Variants in SLC39A8 observed in about 807,000 individuals in gnomAD.
The protein encoded by SLC39A8 is metal cation symporter ZIP8.
In SLC39A8, 15 loss-of-function variants were observed where a neutral mutation model predicts 40.4. The observed-to-expected ratio is 0.37, with a 90% CI of 0.25 to 0.57. The LOEUF (loss-of-function observed/expected upper bound fraction) is 0.57, where lower values mean the gene tolerates loss of function less well. SLC39A8 is among the 20% of genes least tolerant of loss of function. SLC39A8 has a pLI of 0.75. For missense variants in SLC39A8, 472 were observed against 558.8 expected (o/e 0.84, Z 1.57); for synonymous variants, 223 against 221.6 (o/e 1.01, Z -0.06).
At chr4:102,339,600 C>T (rs1162035336) in intron 2 of SLC39A8, among the ~76,000 whole-genome samples, 1 of 152,120 alleles carries the variant, frequency 6.6e-6, no homozygotes, top group African/African-American at 2.4e-5. Flanking sequence ...AGAGATCTAG[C>T]AATACTTAAA....
At chr4:102,291,176 C>A (rs1733423641) in intron 6 of SLC39A8, among the ~76,000 whole-genome samples, 1 of 151,988 alleles carries the variant, frequency 6.6e-6, no homozygotes, top group Non-Finnish European at 1.5e-5. Flanking sequence ...TTTCCTATAT[C>A]TCTTTACCAG....
At chr4:102,271,585 C>T (rs1255309467) in intron 6 of SLC39A8, among the ~76,000 whole-genome samples, 1 of 152,152 alleles carries the variant, frequency 6.6e-6, no homozygotes, top group East Asian at 1.9e-4. Flanking sequence ...TATCACTGTC[C>T]AACAGGGCAA....
chr4:102,344,910 G>GA lies in SLC39A8; in HGVS notation c.-249dup, dbSNP rs1248379859. 7.8e-7 allele frequency: 1 copy of GA among 1,288,986 alleles called. No homozygotes were observed. The highest frequency in any genetic ancestry group is 1.6e-5 in the African/African-American group (1 of 64,132). The allele number at this position is 1,288,986 out of a possible 1,614,324, so 79.8% of individuals were successfully genotyped here. A position where few individuals can be genotyped will look rare whatever the true frequency, so the allele number is the denominator to read the frequency against. ...GCGGAGTGGGCCCCCCGGCCTCCTG[G>GA]AGAGCCTGAGATAAAGAGGACAAAG... On this transcript the variant is annotated 5_prime_UTR_variant, in exon 2 of 9. Transcript: ENST00000356736.
rs749845336 is a variant in SLC39A8, at chr4:102,315,776, T to A, written c.274A>T (p.Ile92Leu). The A allele has an allele frequency of 1.9e-6, 3 of 1,613,354 alleles. No homozygotes were observed. Among genetic ancestry groups the A allele is most frequent in the Non-Finnish European group, 2.5e-6 (3 of 1,179,556 alleles). The change falls in exon 3 of 9, where the codon ATA becomes TTA. Residue 92 changes from isoleucine (I) to leucine (L), a missense_variant. Transcript: ENST00000356736. ...SLHGFSNATQ[I>L]TSSKFSVICP... Reference sequence around the variant, plus strand: ...ATGACAGAGAATTTGGAGCTGGTTATTTGGGTAGCATTTGAAAAGCCATGA... The same window carrying A: ...ATGACAGAGAATTTGGAGCTGGTTAATTGGGTAGCATTTGAAAAGCCATGA...
At chr4:102,304,574 AG>A in intron 5 of SLC39A8, 93 bp from the exon 6 acceptor site, 1 of 1,040,058 alleles carries the variant, frequency 9.6e-7, no homozygotes, top group Non-Finnish European at 1.4e-6. Flanking sequence ...TATTTATAAG[AG>A]GAAAATTGTA....
At chr4:102,284,986 G>A (rs1048247803) in intron 6 of SLC39A8, among the ~76,000 whole-genome samples, 2 of 152,090 alleles carry the variant, frequency 1.3e-5, no homozygotes, top group Non-Finnish European at 2.9e-5. Flanking sequence ...TGTTTCCTCT[G>A]CTGCTAAACG....
intron 6 of SLC39A8, among the ~76,000 whole-genome samples, chr4:102,269,226 G>C (rs1308975850): frequency 5.3e-5 from 8 of 151,926 alleles, no homozygotes; most frequent in Admixed American, 5.2e-4. Context: ...CCATCTAAGA[G>C]GTTTTACAGT....
chr4:102,266,072 CTCT>C (rs1732083080), intron 8 of SLC39A8, among the ~76,000 whole-genome samples: 1 of 152,154 alleles, frequency 6.6e-6, no homozygotes. Context: ...TCTACTTTCT[CTCT>C]TATTTCATAG....
rs548353271 is a variant in SLC39A8, at chr4:102,283,207, A to C, written c.841-15128T>G. 2.0e-5 allele frequency among the ~76,000 whole-genome samples: 3 copies of C among 152,368 alleles called. No individual in the cohort carries two copies. The South Asian group carries it at 6.2e-4, about 32-fold the overall frequency. On this transcript the variant is annotated intron_variant, in intron 6 of 8. Coordinates refer to ENST00000356736, the MANE Select transcript of SLC39A8 (RefSeq NM_001135146.2). ...TTTTCTAAATGCCTGTGATAAGTAC[A>C]TCATCCTGATTACAGAGGAAATAAA...
chr4:102,313,134 C>T (rs1486424624), intron 3 of SLC39A8, among the ~76,000 whole-genome samples: 3 of 152,038 alleles, frequency 2.0e-5, no homozygotes, highest in African/African-American at 7.2e-5. Context: ...TTGGTGATTT[C>T]TATGCTTTGT....
chr4:102,326,105 A>G (rs948511170), intron 2 of SLC39A8, among the ~76,000 whole-genome samples: 2 of 152,140 alleles, frequency 1.3e-5, no homozygotes, highest in Admixed American at 6.5e-5. Context: ...CCTACTTCCC[A>G]TCATCTGCTA....
intron 2 of SLC39A8, among the ~76,000 whole-genome samples, chr4:102,341,501 T>G (rs991391579): frequency 6.6e-6 from 1 of 152,212 alleles, no homozygotes; most frequent in Non-Finnish European, 1.5e-5. Flanking sequence ...GGCTTCCCTG[T>G]GTATTCTAGG....
intron 2 of SLC39A8, among the ~76,000 whole-genome samples, chr4:102,329,622 C>T (rs1209831716): frequency 1.3e-5 from 1 of 75,016 alleles, no homozygotes; most frequent in Admixed American, 1.5e-4. Context: ...GAATCTGTCT[C>T]AAAAAAAAAA....
chr4:102,313,648 G>A (rs1333399774), intron 3 of SLC39A8, among the ~76,000 whole-genome samples: 2 of 151,994 alleles, frequency 1.3e-5, no homozygotes, highest in East Asian at 1.9e-4. Flanking sequence ...GGAGTACAGT[G>A]GGGTAATCAT....
chr4:102,307,501 T>C lies in SLC39A8; in HGVS notation c.487A>G (p.Thr163Ala), dbSNP rs1321583996. ...IKKSYFPKIL[T>A]FFVGLAIGTL... ...CCAATAGCCAGCCCCACAAAAAAGG[T>C]CAAAATCTTTGGGAAATAAGATTTC... The change falls in exon 4 of 9, where the codon ACC becomes GCC. Residue 163 changes from threonine to alanine, a missense_variant. Coordinates refer to ENST00000356736, the MANE Select transcript of SLC39A8 (RefSeq NM_001135146.2). 6.8e-6 allele frequency: 11 copies of C among 1,613,240 alleles called. No homozygotes were observed. The highest frequency in any genetic ancestry group is 9.3e-6 in the Non-Finnish European group (11 of 1,179,604).
chr4:102,254,641 C>T (rs984532713), intron 11 of SLC39A8, among the ~76,000 whole-genome samples: 1 of 152,180 alleles, frequency 6.6e-6, no homozygotes, highest in East Asian at 1.9e-4. Flanking sequence ...TAGGAAACTG[C>T]ATTTTTCTGT....
downstream of SLC39A8, among the ~76,000 whole-genome samples, chr4:102,259,908 A>G (rs1731801031): frequency 6.6e-6 from 1 of 152,240 alleles, no homozygotes; most frequent in South Asian, 2.1e-4. Flanking sequence ...CTTTAAACAG[A>G]AAGATCAAAG....
intron 8 of SLC39A8, among the ~76,000 whole-genome samples, chr4:102,267,137 G>A (rs7681239): frequency 0.093 from 14,121 of 152,172 alleles, 717 homozygotes; most frequent in South Asian, 0.19. Flanking sequence ...AGACACAAAA[G>A]AGGGAGAAAA....
rs144981067 is a variant in SLC39A8, at chr4:102,267,913, G to T, written c.1007C>A (p.Thr336Asn). 6.8e-6 allele frequency: 11 copies of T among 1,614,012 alleles called. No homozygotes were observed. The highest frequency in any genetic ancestry group is 1.3e-5 in the African/African-American group (1 of 74,902). Reference sequence around the variant, plus strand: ...CTCCTCACATAGGATTGCTATGGAAGTACTGAGTCCCTGAAGGAGAGACAA... The same window carrying T: ...CTCCTCACATAGGATTGCTATGGAATTACTGAGTCCCTGAAGGAGAGACAA... Reference protein sequence around the residue: ...CTLSLLQGLSTSIAILCEEFP... With the variant: ...CTLSLLQGLSNSIAILCEEFP... Residue 336 changes from threonine (T) to asparagine (N), a missense_variant, in exon 7 of 9, where the codon ACT becomes AAT. Physicochemically the swap from Thr to Asn is moderately conservative, Grantham distance 65. This residue lies in a region of SLC39A8 where 239 missense variants were observed against 317.9 expected (regional missense o/e 0.75). Transcript: ENST00000356736.
Sources: gnomAD v4.1 joint callset for allele counts (sites outside exome capture counted in the v4.1 genomes callset) on GRCh38, gnomAD v4.1.1 for gene constraint, gnomAD v4.1.1 regional missense constraint, MANE v1.5 for transcripts, NCBI Gene and HGNC (gene_info 2026-07-23, HGNC 2026-07-21) for gene names.